The following GPC6 variants were observed in gnomAD, a reference collection of about 807,000 sequenced individuals.
GPC6 encodes glypican 6.
Under a neutral mutation model 55.2 loss-of-function variants are expected in GPC6, and 14 were observed. The ratio of observed to expected loss-of-function variants is 0.25; its 90% CI spans 0.17 to 0.40. The LOEUF is 0.40. Ranked by LOEUF, GPC6 falls within the 10% of genes least tolerant of loss-of-function variation. The pLI, the probability that GPC6 is intolerant of heterozygous loss-of-function variation, is 1.00. For synonymous variants in GPC6, 278 were observed against 259.6 expected (o/e 1.07, Z -0.68); for missense variants, 641 against 708.5 (o/e 0.90, Z 1.08).
At chr13:93,475,586 G>A (rs991512344) in intron 1 of GPC6, among the ~76,000 whole-genome samples, 5 of 152,140 alleles carry the variant, frequency 3.3e-5, no homozygotes, top group East Asian at 1.9e-4. Flanking sequence ...GAGAGGCAAC[G>A]ATCTATGTGG....
At chr13:93,586,788 T>C (rs1877221991) in intron 2 of GPC6, among the ~76,000 whole-genome samples, 1 of 152,228 alleles carries the variant, frequency 6.6e-6, no homozygotes, top group African/African-American at 2.4e-5. Flanking sequence ...TCATAGTTTA[T>C]ATGTCACACA....
chr13:93,479,736 T>A (rs954325727), intron 1 of GPC6, among the ~76,000 whole-genome samples: 1 of 152,210 alleles, frequency 6.6e-6, no homozygotes, highest in Non-Finnish European at 1.5e-5. Context: ...ACATTACCTT[T>A]AGGATCACTT....
chr13:93,534,429 G>A (rs1404891875), intron 1 of GPC6, among the ~76,000 whole-genome samples: 3 of 152,072 alleles, frequency 2.0e-5, no homozygotes, highest in East Asian at 1.9e-4. Flanking sequence ...GATGTGCATC[G>A]CAAGGTCCCT....
At chr13:94,032,610 G>A (rs559677882) in intron 4 of GPC6, among the ~76,000 whole-genome samples, 15 of 152,240 alleles carry the variant, frequency 9.9e-5, no homozygotes, top group African/African-American at 3.4e-4. Context: ...CACTACTACT[G>A]TCTTGAACTG....
At chr13:93,885,077 T>C (rs1272516561) in intron 3 of GPC6, among the ~76,000 whole-genome samples, 1 of 152,050 alleles carries the variant, frequency 6.6e-6, no homozygotes, top group Non-Finnish European at 1.5e-5. Context: ...GATTAAAAAG[T>C]CCTTGAAGAG....
At chr13:94,020,746 A>G (rs1882663761) in intron 3 of GPC6, among the ~76,000 whole-genome samples, 1 of 152,166 alleles carries the variant, frequency 6.6e-6, no homozygotes, top group South Asian at 2.1e-4. Flanking sequence ...CTGAACATGA[A>G]CATATTCTGG....
At chr13:93,573,412 G>A (rs1189294483) in intron 2 of GPC6, among the ~76,000 whole-genome samples, 1 of 151,980 alleles carries the variant, frequency 6.6e-6, no homozygotes, top group African/African-American at 2.4e-5. Context: ...TTTGTAGACT[G>A]TATGGTGGCT....
intron 4 of GPC6, among the ~76,000 whole-genome samples, chr13:94,158,774 T>G (rs150346097): frequency 6.6e-6 from 1 of 152,246 alleles, no homozygotes; most frequent in East Asian, 1.9e-4. Flanking sequence ...AGTAGTTAGG[T>G]CTGGGTTCAC....
chr13:94,022,432 G>A (rs1335132207), intron 3 of GPC6, among the ~76,000 whole-genome samples: 1 of 151,678 alleles, frequency 6.6e-6, no homozygotes, highest in East Asian at 1.9e-4. Flanking sequence ...CTTTTTTTAA[G>A]ACTCAATAAT....
At chr13:93,430,804 C>G (rs1877327453) in intron 1 of GPC6, among the ~76,000 whole-genome samples, 1 of 152,156 alleles carries the variant, frequency 6.6e-6, no homozygotes, top group African/African-American at 2.4e-5. Flanking sequence ...ATATCACCAT[C>G]AAGCTATTCT....
intron 1 of GPC6, among the ~76,000 whole-genome samples, chr13:93,544,996 A>T (rs1253820341): frequency 6.6e-6 from 1 of 152,200 alleles, no homozygotes; most frequent in Non-Finnish European, 1.5e-5. Context: ...AAAGCCAGGA[A>T]AAAATGCCAC....
intron 1 of GPC6, among the ~76,000 whole-genome samples, chr13:93,440,887 C>G (rs1877770609): frequency 6.6e-6 from 1 of 151,288 alleles, no homozygotes; most frequent in African/African-American, 2.4e-5. Flanking sequence ...ATGTTCCCCA[C>G]CCCATGTCCA....
At chr13:93,509,652 C>T (rs1566395827) in intron 1 of GPC6, among the ~76,000 whole-genome samples, 1 of 152,186 alleles carries the variant, frequency 6.6e-6, no homozygotes, top group Non-Finnish European at 1.5e-5. Context: ...CAACTTGCCT[C>T]AAACATGAGA....
chr13:93,547,252 A>G (rs1178781011), intron 2 of GPC6, among the ~76,000 whole-genome samples: 45 of 151,842 alleles, frequency 3.0e-4, no homozygotes. Flanking sequence ...AGGCCAAGGC[A>G]GGAGACTCAC....
chr13:93,781,276 GAAAAAAA>G (rs10714640), intron 2 of GPC6, among the ~76,000 whole-genome samples: 1 of 136,262 alleles, frequency 7.3e-6, no homozygotes, highest in East Asian at 2.1e-4. Flanking sequence ...CTCCATCTCC[GAAAAAAA>G]AAAAAAAGAA....
intron 2 of GPC6, among the ~76,000 whole-genome samples, chr13:93,811,814 C>T (rs1886702259): frequency 6.6e-6 from 1 of 152,104 alleles, no homozygotes; most frequent in Non-Finnish European, 1.5e-5. Flanking sequence ...CAAAAAGAAA[C>T]TTATTAAATC....
At chr13:93,693,463 G>C (rs9524171) in intron 2 of GPC6, among the ~76,000 whole-genome samples, 1 of 63,494 alleles carries the variant, frequency 1.6e-5, no homozygotes, top group African/African-American at 6.3e-5. Flanking sequence ...ATGTATATCT[G>C]TGTGTGTGTG....
In GPC6 at chr13:94,215,250, A is replaced by T. The variant is rs1334240349; in HGVS notation, c.878-71099A>T. ...CCACTCCCAGCTTCTAACTGGCTGC[A>T]TTTTTTTTTCTTGTGAAAATAAAGG... On this transcript the variant is annotated intron_variant, in intron 4 of 8. Coordinates refer to ENST00000377047, the MANE Select transcript of GPC6 (RefSeq NM_005708.5). 2.0e-5 allele frequency among the ~76,000 whole-genome samples: 3 copies of T among 151,338 alleles called. No homozygotes were observed. In the East Asian group the frequency reaches 5.8e-4, roughly 29 times the overall value.
chr13:93,313,973 A>T (rs1949754205), intron 1 of GPC6, among the ~76,000 whole-genome samples: 1 of 152,170 alleles, frequency 6.6e-6, no homozygotes, highest in Admixed American at 6.6e-5. Flanking sequence ...GCCTAGGATG[A>T]CATTGTAGGT....
Sources: allele counts gnomAD v4.1 joint callset (sites outside exome capture counted in the v4.1 genomes callset), GRCh38; gene constraint gnomAD v4.1.1; transcripts MANE v1.5; gene names NCBI Gene and HGNC (gene_info 2026-07-23, HGNC 2026-07-21).